GRK5: variants seen among roughly 807,000 people sequenced by gnomAD.
GRK5 encodes the protein G protein-coupled receptor kinase 5, also known as g protein-coupled receptor kinase GRK5.
GRK5 carries 40 observed loss-of-function variants against 78.4 expected under a neutral mutation model. The observed-to-expected ratio is 0.51, with a 90% confidence interval of 0.40 to 0.66. The LOEUF is 0.66. Ranked by LOEUF, GRK5 falls within the 30% of genes least tolerant of loss-of-function variation. GRK5 has a pLI of 0.00. For missense variants in GRK5, 598 were observed against 759.9 expected (o/e 0.79, Z 2.50); for synonymous variants, 289 against 296.8 (o/e 0.97, Z 0.27).
intron 1 of GRK5, among the ~76,000 whole-genome samples, chr10:119,210,083 A>C (rs1326420544): frequency 6.6e-6 from 1 of 152,114 alleles, no homozygotes; most frequent in Non-Finnish European, 1.5e-5. Context: ...GTGTGGAGTG[A>C]CCGACTCCCA....
chr10:119,362,657 T>C (rs1320577725), intron 2 of GRK5, among the ~76,000 whole-genome samples: 1 of 152,232 alleles, frequency 6.6e-6, no homozygotes. Flanking sequence ...CACGTGCTTT[T>C]GAGATTTGGG....
intron 1 of GRK5, among the ~76,000 whole-genome samples, chr10:119,319,587 G>A (rs1424071428): frequency 6.6e-6 from 1 of 152,214 alleles, no homozygotes; most frequent in Non-Finnish European, 1.5e-5. Flanking sequence ...TGAGGTCAGG[G>A]ACCATGTCCT....
rs368066639 is a variant in GRK5, at chr10:119,436,833, C to A, written c.921C>A (p.Thr307=). ...TAGAAGACCTCCACCGTGAGAACAC[C>A]GTCTACCGGTGAGTGGAAGGCACCA... is the stretch of plus-strand genomic sequence containing the variant. ...CGLEDLHREN[T]VYRDLKPENI... is the part of the protein sequence containing the mutation. The change falls in exon 9 of 16, where the codon ACC becomes ACA. Residue 307 remains threonine (T), a synonymous_variant. Transcript: ENST00000392870. 2 of 1,599,624 alleles carry A rather than the reference C, an allele frequency of 1.3e-6. No individual in the cohort carries two copies. Among genetic ancestry groups the A allele is most frequent in the Non-Finnish European group, 1.7e-6 (2 of 1,170,940 alleles).
At chr10:119,288,600 C>T (rs1799045643) in intron 1 of GRK5, among the ~76,000 whole-genome samples, 2 of 152,254 alleles carry the variant, frequency 1.3e-5, no homozygotes. Context: ...CACTGTGTCA[C>T]TGCTGCAGCA....
At chr10:119,282,402 C>T (rs1317021579) in intron 1 of GRK5, among the ~76,000 whole-genome samples, 2 of 152,206 alleles carry the variant, frequency 1.3e-5, no homozygotes, top group Non-Finnish European at 2.9e-5. Flanking sequence ...GTTCCCCCTG[C>T]TAGTTTTCCC....
At chr10:119,376,181 C>T (rs1041008981) in intron 2 of GRK5, among the ~76,000 whole-genome samples, 2 of 152,188 alleles carry the variant, frequency 1.3e-5, no homozygotes, top group African/African-American at 4.8e-5. Flanking sequence ...GTCAAGGGCA[C>T]AGCTCAGTGC....
At chr10:119,237,350 ATCTTGCCTGGCCTG>A (rs1167543488) in intron 1 of GRK5, among the ~76,000 whole-genome samples, 1 of 152,258 alleles carries the variant, frequency 6.6e-6, no homozygotes, top group Non-Finnish European at 1.5e-5. Context: ...GGCGTAAGCC[ATCTTGCCTGGCCTG>A]TATTTGCCTT....
intron 1 of GRK5, among the ~76,000 whole-genome samples, chr10:119,249,271 C>CA (rs1174024770): frequency 6.9e-6 from 1 of 145,340 alleles, no homozygotes; most frequent in Admixed American, 7.3e-5. Flanking sequence ...AACTTCGTCT[C>CA]AAAAAACAAA....
intron 1 of GRK5, among the ~76,000 whole-genome samples, chr10:119,233,084 G>T (rs935741233): frequency 2.6e-5 from 4 of 152,248 alleles, no homozygotes; most frequent in African/African-American, 9.6e-5. Flanking sequence ...CAAATGGCCA[G>T]TGTGAAGTCT....
chr10:119,249,869 C>G (rs796322409), intron 1 of GRK5, among the ~76,000 whole-genome samples: 3 of 152,218 alleles, frequency 2.0e-5, no homozygotes, highest in African/African-American at 4.8e-5. Flanking sequence ...AAGTGCATAA[C>G]TCTTTGTGCA....
intron 2 of GRK5, among the ~76,000 whole-genome samples, chr10:119,361,424 C>T (rs528738240): frequency 7.9e-5 from 12 of 152,356 alleles, no homozygotes; most frequent in Non-Finnish European, 1.2e-4. Context: ...TTCATCCATT[C>T]ACTTCCGAGA....
rs1564931011 is a variant in GRK5 at position 119,427,472 on chromosome 10, A to AT, written c.533+2387_533+2388insT. ...CATCACCGCCATCATCAGCATCACCACCATCATCAGCATCACCGCCATCAT... is the reference window on the plus strand; with the variant it reads ...CATCACCGCCATCATCAGCATCACCATCCATCATCAGCATCACCGCCATCAT... On this transcript the variant is annotated intron_variant, in intron 6 of 15. Coordinates refer to ENST00000392870, the MANE Select transcript of GRK5 (RefSeq NM_005308.3). Among the ~76,000 whole-genome samples the AT allele has an allele frequency of 5.9e-3, 847 of 143,216 alleles. 19 individuals carry two copies. Among genetic ancestry groups the AT allele is most frequent in the Admixed American group, 0.046 (651 of 14,246 alleles). 94.0% of individuals were successfully genotyped at this position (143,216 alleles called of 152,430 possible).
chr10:119,432,084 G>A (rs1045951326), intron 8 of GRK5, among the ~76,000 whole-genome samples: 1 of 152,226 alleles, frequency 6.6e-6, no homozygotes. Context: ...TCTAACAGCT[G>A]CCCCATCTGG....
At chr10:119,345,954 C>A (rs1851083076) in intron 2 of GRK5, among the ~76,000 whole-genome samples, 1 of 152,122 alleles carries the variant, frequency 6.6e-6, no homozygotes, top group South Asian at 2.1e-4. Flanking sequence ...AGCTTTACCT[C>A]CAATGTCAGT....
Position 119,416,098 on chromosome 10 carries a change from C to T in GRK5, c.340-7068C>T, listed in dbSNP as rs554147002. ...CATGGTCTTTCAGTCCCGCTTCATC[C>T]CTGGGTGCCTCCAAGGGCACCAGCC... is the stretch of plus-strand genomic sequence containing the variant. On this transcript the variant is annotated intron_variant, in intron 4 of 15. Transcript: ENST00000392870. Among the ~76,000 whole-genome samples, 16 of 150,108 alleles carry T rather than the reference C, an allele frequency of 1.1e-4. 1 individual carries two copies. In the South Asian group the frequency reaches 3.5e-3, roughly 33 times the overall value.
At chr10:119,395,386 G>A (rs1028559414) in intron 3 of GRK5, among the ~76,000 whole-genome samples, 4 of 152,168 alleles carry the variant, frequency 2.6e-5, no homozygotes, top group Non-Finnish European at 4.4e-5. Context: ...GGGAGGAATC[G>A]GACCCTAGAC....
chr10:119,444,014 A>T (rs1426524010), intron 12 of GRK5, among the ~76,000 whole-genome samples: 1 of 151,982 alleles, frequency 6.6e-6, no homozygotes, highest in East Asian at 1.9e-4. Flanking sequence ...ACAGTGTGGA[A>T]CACCCTCACA....
intron 2 of GRK5, among the ~76,000 whole-genome samples, chr10:119,341,878 G>A (rs975629763): frequency 2.6e-5 from 4 of 152,138 alleles, no homozygotes; most frequent in Non-Finnish European, 5.9e-5. Flanking sequence ...AACAGCTGTC[G>A]CATGTCAGTT....
At position 119,431,413 on chromosome 10, in the gene GRK5, G is replaced by A. The variant is rs55719738; in HGVS notation, c.624G>A (p.Thr208=). The A allele has an allele frequency of 7.7e-5, 125 of 1,613,874 alleles. No individual in the cohort carries two copies. The East Asian group carries it at 2.2e-3, about 28-fold the overall frequency. ...GEVCACQVRA[T]GKMYACKRLE... Reference sequence around the variant, plus strand: ...TCTGTGCCTGCCAGGTTCGGGCCACGGGTAAAATGTATGCCTGCAAGCGCT... The same window carrying A: ...TCTGTGCCTGCCAGGTTCGGGCCACAGGTAAAATGTATGCCTGCAAGCGCT... Residue 208 remains threonine, a synonymous_variant, in exon 8 of 16, where the codon ACG becomes ACA. Transcript: ENST00000392870. This position sits in a 1 kb window ranked among gnomAD's most constrained non-coding sequence, Gnocchi z 4.8.
Sources: allele counts gnomAD v4.1 joint callset (sites outside exome capture counted in the v4.1 genomes callset), GRCh38; gene constraint gnomAD v4.1.1; non-coding constraint Gnocchi (gnomAD v3.1); transcripts MANE v1.5; gene names NCBI Gene and HGNC (gene_info 2026-07-23, HGNC 2026-07-21).